Variants in PLEKHG1 observed in about 807,000 individuals in gnomAD.
PLEKHG1 encodes the protein pleckstrin homology and RhoGEF domain containing G1.
PLEKHG1 carries 44 observed loss-of-function variants against 100.8 expected under a neutral mutation model. The ratio of observed to expected loss-of-function variants is 0.44; its 90% CI spans 0.34 to 0.56. PLEKHG1 has a LOEUF of 0.56. Among genes scored for constraint, PLEKHG1 ranks in the 20% least tolerant of loss-of-function variants. The probability of loss-of-function intolerance (pLI) is 0.01; values close to 1 mark genes in which losing one functional copy is unlikely to be tolerated. For missense variants in PLEKHG1, 1,545 were observed against 1,720.9 expected, an observed-to-expected ratio of 0.90 and a Z score of 1.81; for synonymous variants, 640 against 662.5, an observed-to-expected ratio of 0.97 and a Z score of 0.52.
intron 1 of PLEKHG1, among the ~76,000 whole-genome samples, chr6:150,722,102 A>G (rs1287740081): frequency 1.3e-5 from 2 of 152,106 alleles, no homozygotes; most frequent in Non-Finnish European, 2.9e-5. Flanking sequence ...TATTCCTTCA[A>G]TCTATTTCTA....
At chr6:150,674,291 A>T (rs190986526) in intron 3 of PLEKHG1, among the ~76,000 whole-genome samples, 2 of 129,536 alleles carry the variant, frequency 1.5e-5, no homozygotes, top group Non-Finnish European at 1.8e-5. Context: ...ACAAGCGTTG[A>T]AAAAGGTTTT....
intron 2 of PLEKHG1, among the ~76,000 whole-genome samples, chr6:150,737,178 A>C (rs1295969182): frequency 1.3e-5 from 2 of 152,248 alleles, no homozygotes; most frequent in Admixed American, 1.3e-4. Context: ...CAACTTTATC[A>C]GAGTGGCTAG....
intron 4 of PLEKHG1, among the ~76,000 whole-genome samples, chr6:150,792,614 C>G (rs1269026503): frequency 6.6e-6 from 1 of 151,810 alleles, no homozygotes; most frequent in African/African-American, 2.4e-5. Context: ...GCAAAGGCTG[C>G]AGTGAACCGA....
At chr6:150,642,700 C>T (rs1006068432) in intron 2 of PLEKHG1, among the ~76,000 whole-genome samples, 2 of 152,198 alleles carry the variant, frequency 1.3e-5, no homozygotes, top group Non-Finnish European at 2.9e-5. Flanking sequence ...CACTGGTATG[C>T]TGTTGGTGCT....
chr6:150,779,346 T>TTGTTTTTTTTGG (rs538911050), intron 3 of PLEKHG1, among the ~76,000 whole-genome samples: 1 of 134,444 alleles, frequency 7.4e-6, no homozygotes. Flanking sequence ...GTCAAGAAGT[T>TTGTTTTTTTTGG]TTTTTTTTTT....
chr6:150,687,188 G>A (rs1019660245), intron 3 of PLEKHG1, among the ~76,000 whole-genome samples: 1 of 152,144 alleles, frequency 6.6e-6, no homozygotes, highest in Non-Finnish European at 1.5e-5. Context: ...GACTTCAGTA[G>A]TCACGTAATA....
chr6:150,626,592 G>C (rs1454073208), intron 1 of PLEKHG1, among the ~76,000 whole-genome samples: 2 of 152,246 alleles, frequency 1.3e-5, no homozygotes, highest in Non-Finnish European at 2.9e-5. Context: ...AAGGGCTTCA[G>C]ATGTACCCTG....
At chr6:150,809,202 A>T in exon 8 of PLEKHG1, 2 of 1,613,374 alleles carry the variant, frequency 1.2e-6, no homozygotes, top group African/African-American at 2.7e-5. Context: ...CGAGCCAAGA[A>T]TGAGCGGACG....
At chr6:150,601,334 A>G (rs1231557892) in intron 1 of PLEKHG1, among the ~76,000 whole-genome samples, 1 of 152,166 alleles carries the variant, frequency 6.6e-6, no homozygotes, top group African/African-American at 2.4e-5. Flanking sequence ...TTCGAACTTT[A>G]ATTTTGCCCT....
chr6:150,703,668 C>A (rs1780894197), intron 3 of PLEKHG1, among the ~76,000 whole-genome samples: 1 of 150,666 alleles, frequency 6.6e-6, no homozygotes, highest in South Asian at 2.1e-4. Context: ...TAAAAAAAAT[C>A]AGTCTAGAAT....
intron 2 of PLEKHG1, among the ~76,000 whole-genome samples, chr6:150,761,958 G>A (rs2044567446): frequency 6.6e-6 from 1 of 152,140 alleles, no homozygotes; most frequent in African/African-American, 2.4e-5. Context: ...AGAGGGGACT[G>A]AACAGGCGCA....
Position 150,831,900 on chromosome 6 carries a change from G to A in PLEKHG1, c.2789G>A (p.Ser930Asn), listed in dbSNP as rs1159918952. Residue 930 changes from serine (S) to asparagine (N), a missense_variant, in exon 15 of 16, where the codon AGC (serine) becomes AAC (asparagine). Physicochemically the swap from Ser to Asn is conservative, Grantham distance 46 (BLOSUM62 1). Coordinates refer to ENST00000358517, the Ensembl canonical transcript of PLEKHG1. This position sits in a 1 kb window ranked among gnomAD's most constrained non-coding sequence, Gnocchi z 4.1. Reference sequence around the variant, plus strand: ...ATTTCTAAAGAAGGCTCCTTTATGAGCCTTAACCGGCTTTCTCTGGCTAGT... The same window carrying A: ...ATTTCTAAAGAAGGCTCCTTTATGAACCTTAACCGGCTTTCTCTGGCTAGT... 1 of 1,614,084 alleles carries A rather than the reference G, an allele frequency of 6.2e-7. No individual in the cohort carries two copies. Among genetic ancestry groups the A allele is most frequent in the Admixed American group, 1.7e-5 (1 of 60,010 alleles).
At chr6:150,628,478 G>A (rs932097219) in intron 1 of PLEKHG1, among the ~76,000 whole-genome samples, 2 of 147,552 alleles carry the variant, frequency 1.4e-5, no homozygotes, top group African/African-American at 5.0e-5. Flanking sequence ...AATTTTCAAA[G>A]AGTCCTCAGC....
At chr6:150,786,933 C>G (rs1785658475) in intron 4 of PLEKHG1, among the ~76,000 whole-genome samples, 1 of 148,208 alleles carries the variant, frequency 6.7e-6, no homozygotes. Flanking sequence ...GTGGCTGAGG[C>G]AGGAGAATCA....
upstream of PLEKHG1, among the ~76,000 whole-genome samples, chr6:150,717,281 C>T (rs1021983054): frequency 6.6e-6 from 1 of 151,744 alleles, no homozygotes; most frequent in Admixed American, 6.6e-5. Context: ...CTCAAGTAAT[C>T]CGCCCACCTC....
intron 2 of PLEKHG1, among the ~76,000 whole-genome samples, chr6:150,756,617 G>A (rs1397579272): frequency 6.6e-6 from 1 of 152,038 alleles, no homozygotes; most frequent in Non-Finnish European, 1.5e-5. Context: ...TGATTTTGAG[G>A]GGCATTACCA....
chr6:150,673,579 T>C (rs1433306656), intron 3 of PLEKHG1, among the ~76,000 whole-genome samples: 1 of 152,120 alleles, frequency 6.6e-6, no homozygotes, highest in East Asian at 1.9e-4. Flanking sequence ...CTCTTTCTTT[T>C]CTCTTCTCCT....
intron 1 of PLEKHG1, among the ~76,000 whole-genome samples, chr6:150,726,999 G>A (rs1016893872): frequency 6.6e-6 from 1 of 152,134 alleles, no homozygotes; most frequent in African/African-American, 2.4e-5. Context: ...TATATTAAAC[G>A]AACATCACTA....
At chr6:150,801,362 C>A (rs1026151901) in intron 6 of PLEKHG1, among the ~76,000 whole-genome samples, 2 of 151,966 alleles carry the variant, frequency 1.3e-5, no homozygotes, top group African/African-American at 4.8e-5. Flanking sequence ...TTATTTTCCA[C>A]TACTTTTGCA....
Sources: allele counts gnomAD v4.1 joint callset (sites outside exome capture counted in the v4.1 genomes callset), GRCh38; gene constraint gnomAD v4.1.1; non-coding constraint Gnocchi (gnomAD v3.1); transcripts MANE v1.5; gene names NCBI Gene and HGNC (gene_info 2026-07-23, HGNC 2026-07-21).